The following WDFY4 variants were observed in gnomAD, a reference collection of about 807,000 sequenced individuals.
The protein encoded by WDFY4 is WD repeat- and FYVE domain-containing protein 4.
In WDFY4, 169 loss-of-function variants were observed where a neutral mutation model predicts 351.9. The ratio of observed to expected loss-of-function variants is 0.48; its 90% CI spans 0.42 to 0.55. The LOEUF (loss-of-function observed/expected upper bound fraction) is 0.55, where lower values mean the gene tolerates loss of function less well. Among genes scored for constraint, WDFY4 ranks in the 20% least tolerant of loss-of-function variants. The pLI, the probability that WDFY4 is intolerant of heterozygous loss-of-function variation, is 0.00. For synonymous variants in WDFY4, 1,622 were observed against 1,574.6 expected, an observed-to-expected ratio of 1.03 and a Z score of -0.71; for missense variants, 3,803 against 3,935.6, an observed-to-expected ratio of 0.97 and a Z score of 0.90.
At chr10:48,933,232 G>A (rs1443688066) in intron 47 of WDFY4, among the ~76,000 whole-genome samples, 1 of 150,652 alleles carries the variant, frequency 6.6e-6, no homozygotes, top group Non-Finnish European at 1.5e-5. Flanking sequence ...ACTGCTAGAG[G>A]GGCCTAGCAC....
In WDFY4 at chr10:48,875,100, C is replaced by T. The variant is rs2069944220; in HGVS notation, c.6960C>T (p.Asp2320=). Residue 2320 remains aspartate (D), a synonymous_variant, in exon 42 of 62, where the codon GAC becomes GAT. Coordinates refer to ENST00000325239, the MANE Select transcript of WDFY4 (RefSeq NM_001394531.1). The part of the protein sequence containing the change: ...LSSGRHKESQ[D]KNDHISQTNA... ...TGTCCTTATTTCAGGAAAGCCAAGA[C>T]AAAAATGATCATATTTCTCAAACAA... 2.7e-6 allele frequency: 4 copies of T among 1,486,422 alleles called. No individual in the cohort carries two copies. The African/African-American group carries it at 5.7e-5, about 21-fold the overall frequency. 92.1% of individuals were successfully genotyped at this position (1,486,422 alleles called of 1,614,324 possible). A position where few individuals can be genotyped will look rare whatever the true frequency, so the allele number is the denominator to read the frequency against.
intron 47 of WDFY4, among the ~76,000 whole-genome samples, chr10:48,908,836 C>T (rs1270329264): frequency 6.6e-6 from 1 of 152,172 alleles, no homozygotes; most frequent in African/African-American, 2.4e-5. Context: ...TGAGTAACCA[C>T]CACCACAATC....
intron 28 of WDFY4, among the ~76,000 whole-genome samples, chr10:48,809,741 C>T (rs1262538315): frequency 6.6e-6 from 1 of 152,258 alleles, no homozygotes; most frequent in Non-Finnish European, 1.5e-5. Context: ...ATCAGGAGCT[C>T]TGCCAAAGTC....
intron 6 of WDFY4, 95 bp from the exon 7 acceptor site, chr10:48,727,375 G>A: frequency 1.6e-6 from 2 of 1,255,496 alleles, no homozygotes; most frequent in Non-Finnish European, 2.2e-6. Flanking sequence ...TTCATGTCTT[G>A]ACATGTTGTT....
intron 38 of WDFY4, among the ~76,000 whole-genome samples, chr10:48,831,379 A>G (rs1332811865): frequency 6.6e-6 from 1 of 152,218 alleles, no homozygotes; most frequent in East Asian, 1.9e-4. Flanking sequence ...ACTAATAAAC[A>G]ACATTTTTGC....
chr10:48,776,981 A>G lies in WDFY4; in HGVS notation c.3095A>G (p.Tyr1032Cys). Residue 1032 changes from tyrosine (Y) to cysteine (C), a missense_variant, in exon 16 of 62, where the codon TAT becomes TGT. Tyr to Cys is a radical substitution (Grantham distance 194). Transcript: ENST00000325239. ...GAATTTGACATGTCCGTGGAAGGTT[A>G]TGGGTATGACAGGCTTTCACATATT... is the stretch of plus-strand genomic sequence containing the variant. ...FVEFDMSVEG[Y>C]GCLFIPTLST... 1 of 1,551,768 alleles carries G rather than the reference A, an allele frequency of 6.4e-7. No individual in the cohort carries two copies.
At chr10:48,723,396 C>G in intron 4 of WDFY4, 37 bp from the exon 5 acceptor site, 2 of 1,544,948 alleles carry the variant, frequency 1.3e-6, no homozygotes, top group Non-Finnish European at 8.7e-7. Flanking sequence ...CTTCTGCTGC[C>G]TTGCTGCCTG....
At chr10:48,902,326 A>G (rs12763669) in intron 47 of WDFY4, among the ~76,000 whole-genome samples, 20,301 of 152,194 alleles carry the variant, frequency 0.13, 1,506 homozygotes, top group Middle Eastern at 0.21. Flanking sequence ...CTCCCAGTGA[A>G]TGAATTGCTT....
At chr10:48,726,665 T>C (rs1226971215) in intron 6 of WDFY4, among the ~76,000 whole-genome samples, 1 of 152,204 alleles carries the variant, frequency 6.6e-6, no homozygotes, top group Non-Finnish European at 1.5e-5. Context: ...AGTTCTCTCA[T>C]CCGTAAAGTG....
chr10:48,945,401 C>A (rs185746446), intron 49 of WDFY4, among the ~76,000 whole-genome samples: 1 of 152,240 alleles, frequency 6.6e-6, no homozygotes, highest in East Asian at 1.9e-4. Context: ...AGGAGAGATA[C>A]ACAGGTACCT....
chr10:48,746,510 A>G (rs1161529885), intron 12 of WDFY4, among the ~76,000 whole-genome samples: 1 of 151,644 alleles, frequency 6.6e-6, no homozygotes, highest in Non-Finnish European at 1.5e-5. Context: ...TTGTTTTTCA[A>G]TCTAGTGTGG....
chr10:48,818,525 A>G (rs2132971936), intron 32 of WDFY4, among the ~76,000 whole-genome samples: 1 of 152,322 alleles, frequency 6.6e-6, no homozygotes, highest in Non-Finnish European at 1.5e-5. Context: ...CTCCAGGCTC[A>G]CTGAGGGTCA....
chr10:48,703,402 G>C (rs1485960549), intron 1 of WDFY4, among the ~76,000 whole-genome samples: 1 of 152,220 alleles, frequency 6.6e-6, no homozygotes, highest in African/African-American at 2.4e-5. Context: ...GCCCATTATG[G>C]AGATGGCAAA....
At chr10:48,820,020 C>A (rs2067761594) in intron 32 of WDFY4, among the ~76,000 whole-genome samples, 1 of 152,180 alleles carries the variant, frequency 6.6e-6, no homozygotes, top group Non-Finnish European at 1.5e-5. Flanking sequence ...GGTTTAGCTT[C>A]TTTGCACAAC....
At chr10:48,797,760 T>A (rs1007687736) in intron 24 of WDFY4, among the ~76,000 whole-genome samples, 3 of 152,226 alleles carry the variant, frequency 2.0e-5, no homozygotes, top group African/African-American at 7.2e-5. Context: ...CTCTCACTTT[T>A]AAAAACATTT....
rs779920041 is a variant in WDFY4 at position 48,731,425 on chromosome 10, G to T, written c.1445G>T (p.Cys482Phe). Residue 482 changes from cysteine (C) to phenylalanine (F), a missense_variant, in exon 9 of 62, where the codon TGC becomes TTC. Physicochemically the swap from Cys to Phe is radical, Grantham distance 205 (BLOSUM62 -2). Transcript: ENST00000325239. ...HLIKESPGPS[C>F]TLMALQSILS... ...ATCAAGGAGAGCCCTGGGCCATCCT[G>T]CACCCTCATGGCCCTGCAGAGCATC... The T allele has an allele frequency of 1.2e-5, 19 of 1,551,720 alleles. No homozygotes were observed. The highest frequency in any genetic ancestry group is 2.4e-5 in the South Asian group (2 of 84,064).
intron 9 of WDFY4, 84 bp downstream of exon 9, chr10:48,731,646 A>T (rs1339758799): frequency 7.0e-7 from 1 of 1,423,688 alleles, no homozygotes; most frequent in Non-Finnish European, 9.3e-7. Context: ...TGCCCATCAA[A>T]TGCAACAGAA....
In WDFY4 at chr10:48,775,823, G is replaced by A. The variant is rs1181445600; in HGVS notation, c.2863+17G>A. 2.6e-6 allele frequency: 4 copies of A among 1,544,178 alleles called. No individual in the cohort carries two copies. In the South Asian group the frequency reaches 4.8e-5, roughly 18 times the overall value. ...GGTGCTCAGGTGAGGACAGTGGCAA[G>A]AACGGGGCAGGTTAATGGGAAGTAA... On this transcript the variant is annotated intron_variant, in intron 15 of 61. Coordinates refer to ENST00000325239, the MANE Select transcript of WDFY4 (RefSeq NM_001394531.1).
At chr10:48,820,568 C>T (rs1001451482) in intron 33 of WDFY4, 131 bp downstream of exon 33, 3 of 1,012,348 alleles carry the variant, frequency 3.0e-6, no homozygotes, top group Non-Finnish European at 4.3e-6. Context: ...ATCTGTGAAC[C>T]ATGGGCCCCA....
Sources: gnomAD v4.1 joint callset for allele counts (sites outside exome capture counted in the v4.1 genomes callset) on GRCh38, gnomAD v4.1.1 for gene constraint, MANE v1.5 for transcripts, NCBI Gene and HGNC (gene_info 2026-07-23, HGNC 2026-07-21) for gene names.